Variants in ATP2C1 observed in about 807,000 individuals in gnomAD.
ATP2C1 encodes ATPase secretory pathway Ca2+ transporting 1, also known as calcium-transporting ATPase type 2C member 1.
Under a neutral mutation model 120.5 loss-of-function variants are expected in ATP2C1, and 31 were observed. That is an observed-to-expected ratio of 0.26 (90% CI 0.19 to 0.35). The LOEUF (loss-of-function observed/expected upper bound fraction) is 0.35, where lower values mean the gene tolerates loss of function less well. ATP2C1 is among the 10% of genes least tolerant of loss of function. The pLI is 1.00. For synonymous variants in ATP2C1, 351 were observed against 358.7 expected, an observed-to-expected ratio of 0.98 and a Z score of 0.24; for missense variants, 731 against 1,107.5, an observed-to-expected ratio of 0.66 and a Z score of 4.83.
chr3:130,949,177 A>G (rs2060267642), intron 8 of ATP2C1, among the ~76,000 whole-genome samples: 1 of 152,232 alleles, frequency 6.6e-6, no homozygotes, highest in Non-Finnish European at 1.5e-5. Flanking sequence ...AGATAGGCTG[A>G]AGGCTAGGCC....
intron 17 of ATP2C1, among the ~76,000 whole-genome samples, chr3:130,971,260 T>G (rs913703091): frequency 2.0e-4 from 31 of 152,222 alleles, no homozygotes; most frequent in African/African-American, 7.0e-4. Context: ...TACCAAAGTT[T>G]TACATTGGAA....
intron 2 of ATP2C1, among the ~76,000 whole-genome samples, chr3:130,913,573 C>A (rs368712072): frequency 1.8e-4 from 27 of 152,234 alleles, no homozygotes; most frequent in African/African-American, 6.5e-4. Context: ...TGATTGTTTT[C>A]TCCTTTTCCA....
chr3:130,886,735 TG>T (rs1388181483), intron 1 of ATP2C1, among the ~76,000 whole-genome samples: 1 of 152,234 alleles, frequency 6.6e-6, no homozygotes, highest in Admixed American at 6.5e-5. Flanking sequence ...GATAAAATTC[TG>T]AATTTCTTTT....
chr3:130,929,180 T>G (rs561901692), intron 2 of ATP2C1, among the ~76,000 whole-genome samples: 1 of 152,306 alleles, frequency 6.6e-6, no homozygotes, highest in East Asian at 1.9e-4. Context: ...ATCTCCTCAT[T>G]AAAAGTTGAA....
In ATP2C1 at chr3:130,921,598, A is replaced by G. The variant is rs967385851; in HGVS notation, c.7-8818A>G. ...AATGTTGGCTGTGGGCTTTTCATAT[A>G]CAGTCTTTATTATGTTACTTTCTTT... On this transcript the variant is annotated intron_variant, in intron 2 of 27. Transcript: ENST00000510168. Among the ~76,000 whole-genome samples, 15 of 152,232 alleles carry G rather than the reference A, an allele frequency of 9.9e-5. No homozygotes were observed. In the East Asian group the frequency reaches 2.7e-3, roughly 27 times the overall value.
upstream of ATP2C1, among the ~76,000 whole-genome samples, chr3:130,892,300 G>C (rs2069200003): frequency 2.0e-5 from 3 of 152,132 alleles, no homozygotes; most frequent in South Asian, 2.1e-4. Flanking sequence ...AGGTGCTTTT[G>C]TTTTTAATAT....
intron 1 of ATP2C1, among the ~76,000 whole-genome samples, chr3:130,858,991 A>G (rs1049483995): frequency 6.6e-5 from 10 of 152,226 alleles, no homozygotes; most frequent in African/African-American, 2.4e-4. Flanking sequence ...GAAATGAATT[A>G]TCTTCTGCAG....
chr3:130,966,763 C>G (rs1027081435), intron 14 of ATP2C1, among the ~76,000 whole-genome samples: 1 of 152,124 alleles, frequency 6.6e-6, no homozygotes, highest in Non-Finnish European at 1.5e-5. Flanking sequence ...CTGCTTTTGT[C>G]TAAGTCACAG....
At chr3:130,962,618 CA>C (rs1170638427) in intron 12 of ATP2C1, among the ~76,000 whole-genome samples, 1 of 145,986 alleles carries the variant, frequency 6.8e-6, no homozygotes, top group South Asian at 2.1e-4. Context: ...TATTCCTCTG[CA>C]AAGTTTTGCT....
chr3:130,917,106 A>G (rs1287768206), intron 2 of ATP2C1, among the ~76,000 whole-genome samples: 2 of 152,242 alleles, frequency 1.3e-5, no homozygotes, highest in Non-Finnish European at 2.9e-5. Context: ...TTTATTAAAT[A>G]CATGAGATAG....
chr3:130,912,958 A>G (rs1361561651), intron 2 of ATP2C1, among the ~76,000 whole-genome samples: 1 of 150,932 alleles, frequency 6.6e-6, no homozygotes, highest in Middle Eastern at 3.4e-3. Flanking sequence ...TTGTAGGGAC[A>G]TGGATGAAAT....
At position 131,001,357 on chromosome 3, in the gene ATP2C1, T is replaced by C; in HGVS notation, c.*7T>C. 3 of 1,612,214 alleles carry C rather than the reference T, an allele frequency of 1.9e-6. No individual in the cohort carries two copies. The African/African-American group carries it at 4.0e-5, about 21-fold the overall frequency. Reference sequence around the variant, plus strand: ...ATCTTTTCTTGAAGTATGATGCATATTGCATTATTTTATTTGCAAACTAGG... The same window carrying C: ...ATCTTTTCTTGAAGTATGATGCATACTGCATTATTTTATTTGCAAACTAGG... On this transcript the variant is annotated 3_prime_UTR_variant, in exon 28 of 28. Transcript: ENST00000510168.
chr3:130,944,272 A>G (rs1025660124), intron 8 of ATP2C1, among the ~76,000 whole-genome samples: 3 of 152,236 alleles, frequency 2.0e-5, no homozygotes, highest in Non-Finnish European at 4.4e-5. Context: ...TTGTTAGCAC[A>G]TTCAGTGACT....
chr3:130,931,762 C>A (rs2059458408), intron 3 of ATP2C1, among the ~76,000 whole-genome samples: 1 of 151,904 alleles, frequency 6.6e-6, no homozygotes, highest in Non-Finnish European at 1.5e-5. Flanking sequence ...TGCATTTTGA[C>A]AAATGTAATC....
chr3:130,875,648 G>C (rs1281549384), intron 1 of ATP2C1, among the ~76,000 whole-genome samples: 1 of 151,984 alleles, frequency 6.6e-6, no homozygotes, highest in East Asian at 1.9e-4. Context: ...GTACCCGGTA[G>C]TGCTGAATCA....
rs189286980 is a variant in ATP2C1 at position 130,877,554 on chromosome 3, G to A, written c.108+26626G>A. On this transcript the variant is annotated intron_variant, in intron 1 of 26. Coordinates refer to the ATP2C1 transcript ENST00000504381. Reference sequence around the variant, plus strand: ...CATGAAAAAATGCTCATCATCACTGGACATCAGAGAAATGCAAATCAAAAC... The same window carrying A: ...CATGAAAAAATGCTCATCATCACTGAACATCAGAGAAATGCAAATCAAAAC... Among the ~76,000 whole-genome samples the A allele has an allele frequency of 1.4e-3, 209 of 152,274 alleles. No individual in the cohort carries two copies. The South Asian group carries it at 0.016, about 12-fold the overall frequency.
At chr3:130,989,788 T>C (rs2062228675) in intron 20 of ATP2C1, among the ~76,000 whole-genome samples, 1 of 152,238 alleles carries the variant, frequency 6.6e-6, no homozygotes, top group Non-Finnish European at 1.5e-5. Context: ...CGCTAACTTA[T>C]TTTGCAGCTT....
intron 2 of ATP2C1, among the ~76,000 whole-genome samples, chr3:130,916,436 A>T (rs1386601639): frequency 1.3e-5 from 2 of 152,066 alleles, no homozygotes; most frequent in Non-Finnish European, 2.9e-5. Context: ...AATAAATAAA[A>T]AAATAAAGTG....
rs1417023666 is a variant in ATP2C1 at position 130,920,808 on chromosome 3, G to T, written c.7-9608G>T. ...AATACTAAGTCTTAACAAAACGTGA[G>T]CATAGGTGTTTCTGTTTTTTTGTGT... On this transcript the variant is annotated intron_variant, in intron 2 of 27. Transcript: ENST00000510168. Among the ~76,000 whole-genome samples, 24 of 152,134 alleles carry T rather than the reference G, an allele frequency of 1.6e-4. 1 individual carries two copies.
Sources: gnomAD v4.1 joint callset for allele counts (sites outside exome capture counted in the v4.1 genomes callset) on GRCh38, gnomAD v4.1.1 for gene constraint, MANE v1.5 for transcripts, NCBI Gene and HGNC (gene_info 2026-07-23, HGNC 2026-07-21) for gene names.